The following LDB2 variants were observed in gnomAD, a reference collection of about 807,000 sequenced individuals.
LDB2 encodes LIM domain binding 2, also known as LIM domain-binding protein 2.
A neutral mutation model predicts 44.3 loss-of-function variants in LDB2; 12 were observed. The observed-to-expected ratio is 0.27, with a 90% CI of 0.17 to 0.44. LDB2 has a LOEUF of 0.44. LDB2 is among the 20% of genes least tolerant of loss of function. LDB2 has a pLI of 1.00. For missense variants in LDB2, 344 were observed against 473.5 expected (o/e 0.73, Z 2.54); for synonymous variants, 164 against 174.8 (o/e 0.94, Z 0.49).
At chr4:16,882,770 T>C (rs569239498) in intron 1 of LDB2, among the ~76,000 whole-genome samples, 40 of 152,204 alleles carry the variant, frequency 2.6e-4, no homozygotes, top group Non-Finnish European at 5.7e-4. Flanking sequence ...AAAATAGGTT[T>C]AAATCACCAT....
chr4:16,717,329 G>C (rs922538502), intron 2 of LDB2, among the ~76,000 whole-genome samples: 1 of 152,032 alleles, frequency 6.6e-6, no homozygotes, highest in Non-Finnish European at 1.5e-5. Flanking sequence ...AGCAGGCCTG[G>C]TTAATTGGGT....
At chr4:16,523,532 T>G (rs112804153) in intron 5 of LDB2, among the ~76,000 whole-genome samples, 40 of 152,306 alleles carry the variant, frequency 2.6e-4, no homozygotes, top group African/African-American at 9.4e-4. Flanking sequence ...CTTGAACACC[T>G]GGAATGCCAT....
At chr4:16,686,400 C>T (rs890086498) in intron 2 of LDB2, among the ~76,000 whole-genome samples, 1 of 152,206 alleles carries the variant, frequency 6.6e-6, no homozygotes, top group African/African-American at 2.4e-5. Flanking sequence ...GATGCAGAGG[C>T]TGAGGTTCCA....
chr4:16,512,659 A>C (rs1160514200), intron 5 of LDB2, among the ~76,000 whole-genome samples: 1 of 152,204 alleles, frequency 6.6e-6, no homozygotes, highest in Non-Finnish European at 1.5e-5. Context: ...AGAAAGGTGG[A>C]TGGTGAATAC....
At chr4:16,622,388 G>A (rs1264252572) in intron 2 of LDB2, among the ~76,000 whole-genome samples, 2 of 152,298 alleles carry the variant, frequency 1.3e-5, no homozygotes, top group Non-Finnish European at 2.9e-5. Flanking sequence ...AAGAAAGCCA[G>A]GATAGATACA....
At chr4:16,810,237 A>T (rs1358054685) in intron 1 of LDB2, among the ~76,000 whole-genome samples, 1 of 152,196 alleles carries the variant, frequency 6.6e-6, no homozygotes, top group East Asian at 1.9e-4. Context: ...TCCATGACAC[A>T]TGTACAGCAA....
At chr4:16,753,192 T>G (rs115739546) in intron 2 of LDB2, among the ~76,000 whole-genome samples, 154 of 152,344 alleles carry the variant, frequency 1.0e-3, no homozygotes, top group African/African-American at 3.7e-3. Flanking sequence ...GGTGTCAAAA[T>G]GCCTTATGCA....
intron 1 of LDB2, among the ~76,000 whole-genome samples, chr4:16,808,346 A>G (rs1212879929): frequency 6.6e-6 from 1 of 152,200 alleles, no homozygotes; most frequent in Non-Finnish European, 1.5e-5. Flanking sequence ...AGACTTTCTT[A>G]TAAGTCAGAA....
chr4:16,604,152 C>T (rs918841187), intron 2 of LDB2, among the ~76,000 whole-genome samples: 5 of 152,116 alleles, frequency 3.3e-5, no homozygotes, highest in African/African-American at 1.2e-4. Context: ...AGTGCCTGGC[C>T]AACAAATATG....
intron 2 of LDB2, among the ~76,000 whole-genome samples, chr4:16,599,800 G>A (rs1722061930): frequency 6.6e-6 from 1 of 152,182 alleles, no homozygotes. Context: ...TGAACCTGGA[G>A]TAGGTATAAA....
chr4:16,883,930 C>G (rs574672583), intron 1 of LDB2, among the ~76,000 whole-genome samples: 1 of 152,232 alleles, frequency 6.6e-6, no homozygotes, highest in East Asian at 1.9e-4. Context: ...CCATGAAAAT[C>G]CATCCTTTGC....
chr4:16,712,054 T>A (rs1755998703), intron 2 of LDB2, among the ~76,000 whole-genome samples: 1 of 151,892 alleles, frequency 6.6e-6, no homozygotes, highest in South Asian at 2.1e-4. Context: ...AAGAAAAAAA[T>A]TAACAATTTG....
At chr4:16,764,158 G>A (rs533223550) in intron 1 of LDB2, among the ~76,000 whole-genome samples, 138 of 152,170 alleles carry the variant, frequency 9.1e-4, no homozygotes, top group Non-Finnish European at 1.6e-3. Context: ...CCCACTTTGG[G>A]TTGAAGACCA....
At chr4:16,881,208 G>A (rs542466143) in intron 1 of LDB2, among the ~76,000 whole-genome samples, 2 of 152,236 alleles carry the variant, frequency 1.3e-5, no homozygotes, top group Admixed American at 1.3e-4. Context: ...GCTGACAAGT[G>A]AAGTTCAGCT....
In LDB2 at chr4:16,843,702, A is replaced by T. The variant is rs140914512; in HGVS notation, c.132+54652T>A. On this transcript the variant is annotated intron_variant, in intron 1 of 7. Coordinates refer to ENST00000304523, the MANE Select transcript of LDB2 (RefSeq NM_001290.5). ...AATGGCACGACCTTGGCTCACTGCAACCTCCACCTCCCAGGTTCAAGCTAT... is the reference window on the plus strand; with the variant it reads ...AATGGCACGACCTTGGCTCACTGCATCCTCCACCTCCCAGGTTCAAGCTAT... Among the ~76,000 whole-genome samples the T allele has an allele frequency of 1.6e-4, 25 of 152,048 alleles. 1 individual carries two copies. Among genetic ancestry groups the T allele is most frequent in the African/African-American group, 5.5e-4 (23 of 41,456 alleles).
At chr4:16,821,384 T>TA (rs1554036961) in intron 1 of LDB2, among the ~76,000 whole-genome samples, 571 of 37,508 alleles carry the variant, frequency 0.015, 7 homozygotes, top group Admixed American at 0.029. Context: ...GAATTTTTTT[T>TA]TTATTTTTTT....
chr4:16,573,188 T>C (rs1747186793), intron 5 of LDB2, among the ~76,000 whole-genome samples: 1 of 152,200 alleles, frequency 6.6e-6, no homozygotes, highest in African/African-American at 2.4e-5. Flanking sequence ...ATCATTCCAT[T>C]AGGTGCATAT....
chr4:16,526,583 T>C (rs1336753381), intron 5 of LDB2, among the ~76,000 whole-genome samples: 4 of 152,208 alleles, frequency 2.6e-5, no homozygotes. Flanking sequence ...ATCCATCCTG[T>C]TGGTGAACCC....
At chr4:16,667,176 C>T (rs1163287129) in intron 2 of LDB2, among the ~76,000 whole-genome samples, 1 of 152,120 alleles carries the variant, frequency 6.6e-6, no homozygotes, top group Non-Finnish European at 1.5e-5. Context: ...CTAGGCCTGG[C>T]ACTGCTGACG....
Sources: gnomAD v4.1 joint callset for allele counts (sites outside exome capture counted in the v4.1 genomes callset) on GRCh38, gnomAD v4.1.1 for gene constraint, MANE v1.5 for transcripts, NCBI Gene and HGNC (gene_info 2026-07-23, HGNC 2026-07-21) for gene names.